HECW2: variants seen among roughly 807,000 people sequenced by gnomAD.
HECW2 encodes HECT, C2 and WW domain containing E3 ubiquitin protein ligase 2.
HECW2 carries 61 observed loss-of-function variants against 175.2 expected under a neutral mutation model. The observed-to-expected ratio is 0.35, with a 90% CI of 0.28 to 0.43. HECW2 has a LOEUF of 0.43. HECW2 is among the 20% of genes least tolerant of loss of function. The pLI is 1.00. For synonymous variants in HECW2, 671 were observed against 731.0 expected (o/e 0.92, Z 1.32); for missense variants, 1,524 against 2,000.5 (o/e 0.76, Z 4.54).
At chr2:196,432,034 T>C (rs1695727993) in intron 2 of HECW2, among the ~76,000 whole-genome samples, 1 of 152,230 alleles carries the variant, frequency 6.6e-6, no homozygotes, top group Non-Finnish European at 1.5e-5. Context: ...CTATTGGCAT[T>C]TGGGGCTAGA....
intron 17 of HECW2, among the ~76,000 whole-genome samples, chr2:196,267,141 G>A (rs2105950561): frequency 6.6e-6 from 1 of 152,164 alleles, no homozygotes; most frequent in East Asian, 1.9e-4. Flanking sequence ...GGGAGAGCTG[G>A]ACTAGTAGGG....
intron 1 of HECW2, among the ~76,000 whole-genome samples, chr2:196,481,826 CT>C (rs1686852914): frequency 6.6e-6 from 1 of 152,138 alleles, no homozygotes; most frequent in Non-Finnish European, 1.5e-5. Context: ...TAAAAAGGGA[CT>C]TACATGCTCT....
chr2:196,418,511 T>A (rs1695319489), intron 2 of HECW2, among the ~76,000 whole-genome samples: 1 of 152,174 alleles, frequency 6.6e-6, no homozygotes, highest in South Asian at 2.1e-4. Context: ...GCAAATATAC[T>A]GGTACATATT....
chr2:196,242,469 C>T lies in HECW2; in HGVS notation c.3530-265G>A, dbSNP rs540045099. ...GCCCATGTGTTTCTCAAGTATGTTC[C>T]CCTTTTCAGTCGAAACTAATATGAG... On this transcript the variant is annotated intron_variant, in intron 19 of 28. Coordinates refer to ENST00000644978, the MANE Select transcript of HECW2 (RefSeq NM_001348768.2). 2.5e-4 allele frequency: 111 copies of T among 438,856 alleles called. 2 individuals are homozygous for T. The South Asian group carries it at 3.0e-3, about 12-fold the overall frequency. The allele number at this position is 438,856 out of a possible 1,614,324, so 27.2% of individuals were successfully genotyped here. A position where few individuals can be genotyped will look rare whatever the true frequency, so the allele number is the denominator to read the frequency against.
intron 1 of HECW2, among the ~76,000 whole-genome samples, chr2:196,542,921 G>T (rs1689277541): frequency 6.8e-6 from 1 of 147,250 alleles, no homozygotes. Context: ...TAGATCTATA[G>T]ATATAGATAG....
rs1194118647 is a variant in HECW2, at chr2:196,545,991, T to C, written c.-36+47517A>G. Among the ~76,000 whole-genome samples the C allele has an allele frequency of 2.6e-5, 4 of 152,352 alleles. No homozygotes were observed. The East Asian group carries it at 7.7e-4, about 29-fold the overall frequency. ...TATATATCTTTGACTATATCTTTGA[T>C]GACATTTTCAATTATGGAGAACACA... On this transcript the variant is annotated intron_variant, in intron 1 of 28. Transcript: ENST00000644978.
At chr2:196,360,982 G>T (rs550641460) in intron 2 of HECW2, among the ~76,000 whole-genome samples, 1 of 152,198 alleles carries the variant, frequency 6.6e-6, no homozygotes, top group South Asian at 2.1e-4. Context: ...TGGCTCTCAG[G>T]CACTAAATGC....
intron 1 of HECW2, among the ~76,000 whole-genome samples, chr2:196,562,807 G>A (rs1432801577): frequency 6.6e-6 from 1 of 152,140 alleles, no homozygotes; most frequent in Non-Finnish European, 1.5e-5. Flanking sequence ...ACTTTGGTAG[G>A]CTGAGGCAGA....
intron 2 of HECW2, among the ~76,000 whole-genome samples, chr2:196,379,692 AAAAAAAAAAAAC>A (rs1475443317): frequency 2.4e-4 from 11 of 46,760 alleles, no homozygotes; most frequent in Admixed American, 3.5e-4. Flanking sequence ...CTCAAAAAAA[AAAAAAAAAAAAC>A]AAAAAGATTA....
At chr2:196,504,740 C>T (rs1422887148) in intron 1 of HECW2, among the ~76,000 whole-genome samples, 1 of 152,070 alleles carries the variant, frequency 6.6e-6, no homozygotes, top group African/African-American at 2.4e-5. Context: ...GTGTATGAAC[C>T]AACCTTACAT....
intron 1 of HECW2, among the ~76,000 whole-genome samples, chr2:196,491,363 T>C (rs1217654458): frequency 7.3e-5 from 5 of 68,602 alleles, no homozygotes; most frequent in African/African-American, 1.6e-4. Context: ...CAAAATCATA[T>C]ATATATACAC....
intron 2 of HECW2, among the ~76,000 whole-genome samples, chr2:196,344,076 A>G (rs770251103): frequency 5.3e-5 from 8 of 152,314 alleles, no homozygotes; most frequent in Admixed American, 2.6e-4. Context: ...CTGATTTATA[A>G]CAAAGGGGTT....
At chr2:196,209,111 T>C (rs1687173132) in intron 28 of HECW2, among the ~76,000 whole-genome samples, 1 of 152,230 alleles carries the variant, frequency 6.6e-6, no homozygotes, top group Non-Finnish European at 1.5e-5. Context: ...TCTTTAACTG[T>C]TGCAATGTCT....
rs374530733 is a variant in HECW2 at position 196,280,864 on chromosome 2, TA to T, written c.3001-2203del. On this transcript the variant is annotated intron_variant, in intron 14 of 28. Coordinates refer to ENST00000644978, the MANE Select transcript of HECW2 (RefSeq NM_001348768.2). ...GTGGCTAATACCTATTTTTAAATAA[TA>T]CATATTAGAACCAAACCCATATCCT... Among the ~76,000 whole-genome samples, 19 of 152,356 alleles carry T rather than the reference TA, an allele frequency of 1.2e-4. No individual in the cohort carries two copies. The East Asian group carries it at 2.3e-3, about 19-fold the overall frequency.
Position 196,507,041 on chromosome 2 carries a change from A to T in HECW2, c.-35-73583T>A, listed in dbSNP as rs529086517. ...ATGGCTATTAGAATTTTTATTCCAG[A>T]AATAAATGGAATATTGGCATAAAAG... On this transcript the variant is annotated intron_variant, in intron 1 of 28. Transcript: ENST00000644978. 5.3e-5 allele frequency among the ~76,000 whole-genome samples: 8 copies of T among 152,376 alleles called. No individual in the cohort carries two copies. In the South Asian group the frequency reaches 1.7e-3, roughly 32 times the overall value.
Position 196,578,174 on chromosome 2 carries a change from T to G in HECW2, c.-36+15334A>C, listed in dbSNP as rs1354593827. 2.0e-5 allele frequency among the ~76,000 whole-genome samples: 3 copies of G among 151,952 alleles called. 1 individual carries two copies. In the South Asian group the frequency reaches 6.2e-4, roughly 31 times the overall value. On this transcript the variant is annotated intron_variant, in intron 1 of 28. Coordinates refer to ENST00000644978, the MANE Select transcript of HECW2 (RefSeq NM_001348768.2). ...GAATATCAATATAAAGAAAAAAGCTTTAAAGGACCAAAAAGAAGATGTGGA... is the reference window on the plus strand; with the variant it reads ...GAATATCAATATAAAGAAAAAAGCTGTAAAGGACCAAAAAGAAGATGTGGA...
intron 1 of HECW2, among the ~76,000 whole-genome samples, chr2:196,533,358 C>T (rs1181893762): frequency 6.6e-6 from 1 of 152,178 alleles, no homozygotes; most frequent in Non-Finnish European, 1.5e-5. Context: ...TTATTATTGA[C>T]GTGGGATAGA....
chr2:196,410,691 T>C (rs1695086396), intron 2 of HECW2, among the ~76,000 whole-genome samples: 1 of 152,152 alleles, frequency 6.6e-6, no homozygotes, highest in Admixed American at 6.5e-5. Flanking sequence ...CAGTGAACCA[T>C]GTCACAAAAT....
At chr2:196,202,547 A>G (rs1456476937) in intron 28 of HECW2, among the ~76,000 whole-genome samples, 1 of 152,210 alleles carries the variant, frequency 6.6e-6, no homozygotes, top group East Asian at 1.9e-4. Flanking sequence ...TAACAGAAAC[A>G]TGCTTAATAG....
Sources: allele counts gnomAD v4.1 joint callset (sites outside exome capture counted in the v4.1 genomes callset), GRCh38; gene constraint gnomAD v4.1.1; transcripts MANE v1.5; gene names NCBI Gene and HGNC (gene_info 2026-07-23, HGNC 2026-07-21).